NAV1: variants seen among roughly 807,000 people sequenced by gnomAD.
NAV1 encodes the protein pore membrane and/or filament interacting like protein 3.
In NAV1, 18 loss-of-function variants were observed where a neutral mutation model predicts 175.2. The observed-to-expected ratio is 0.10, with a 90% confidence interval of 0.07 to 0.15. The LOEUF is 0.15. Ranked by LOEUF, NAV1 falls within the 10% of genes least tolerant of loss-of-function variation. The probability of loss-of-function intolerance (pLI) is 1.00; values close to 1 mark genes in which losing one functional copy is unlikely to be tolerated. For synonymous variants in NAV1, 897 were observed against 978.7 expected (o/e 0.92, Z 1.56); for missense variants, 1,731 against 2,436.6 (o/e 0.71, Z 6.10).
chr1:201,575,758 A>G (rs577698408), intron 1 of NAV1, among the ~76,000 whole-genome samples: 2 of 152,188 alleles, frequency 1.3e-5, no homozygotes, highest in Non-Finnish European at 2.9e-5. Flanking sequence ...TCTCGAGTTT[A>G]TTATGAAGGA....
intron 3 of NAV1, among the ~76,000 whole-genome samples, chr1:201,749,053 C>G (rs540736269): frequency 8.5e-5 from 13 of 152,202 alleles, no homozygotes; most frequent in African/African-American, 3.1e-4. Flanking sequence ...GAGGCTGAGG[C>G]AGGAGAATTG....
At chr1:201,806,429 A>G (rs1007978718) in intron 17 of NAV1, among the ~76,000 whole-genome samples, 7 of 152,194 alleles carry the variant, frequency 4.6e-5, no homozygotes, top group African/African-American at 1.7e-4. Flanking sequence ...ACATCTCGGA[A>G]CAGTTCTGGC....
Position 201,812,357 on chromosome 1 carries a change from T to G in NAV1, c.5025-108T>G, listed in dbSNP as rs1454149534. ...CACTATTACTTGAAAAGAAACCAAG[T>G]AGGCATTAGTGAGAAGCAGGCAGAA... On this transcript the variant is annotated intron_variant, in intron 26 of 29. Coordinates refer to ENST00000367296, the Ensembl canonical transcript of NAV1. The surrounding 1 kb of genome is among the most constrained non-coding windows in gnomAD (Gnocchi z 4.6). 7.3e-6 allele frequency: 8 copies of G among 1,088,444 alleles called. No homozygotes were observed. The highest frequency in any genetic ancestry group is 9.4e-6 in the Non-Finnish European group (7 of 741,182). The allele number at this position is 1,088,444 out of a possible 1,614,324, so 67.4% of individuals were successfully genotyped here. A position where few individuals can be genotyped will look rare whatever the true frequency, so the allele number is the denominator to read the frequency against.
intron 2 of NAV1, among the ~76,000 whole-genome samples, chr1:201,614,978 G>C (rs1667962147): frequency 6.6e-6 from 1 of 152,210 alleles, no homozygotes; most frequent in Non-Finnish European, 1.5e-5. Flanking sequence ...AAAAGTGTTT[G>C]ATTTAAAAAT....
intron 3 of NAV1, among the ~76,000 whole-genome samples, chr1:201,736,102 C>T (rs765957719): frequency 1.3e-5 from 2 of 152,230 alleles, no homozygotes; most frequent in Non-Finnish European, 2.9e-5. Flanking sequence ...CACCCACAGG[C>T]CCAGAGGGAC....
At chr1:201,626,119 G>A (rs745851357) in intron 1 of NAV1, among the ~76,000 whole-genome samples, 19 of 152,200 alleles carry the variant, frequency 1.2e-4, no homozygotes, top group Non-Finnish European at 2.4e-4. Flanking sequence ...GATGCTGCAC[G>A]CCAATGGGCA....
intron 1 of NAV1, among the ~76,000 whole-genome samples, chr1:201,650,829 C>A (rs574906074): frequency 2.0e-5 from 3 of 152,224 alleles, no homozygotes; most frequent in East Asian, 3.9e-4. Flanking sequence ...AGAAGAGCAG[C>A]CTTTTCCCCT....
intron 1 of NAV1, among the ~76,000 whole-genome samples, chr1:201,658,555 AGGT>A: frequency 6.6e-6 from 1 of 152,230 alleles, no homozygotes; most frequent in African/African-American, 2.4e-5. Flanking sequence ...GAGATGGAAA[AGGT>A]GGTGAAAGAG....
intron 3 of NAV1, among the ~76,000 whole-genome samples, chr1:201,779,174 T>C (rs927450535): frequency 6.6e-6 from 1 of 152,108 alleles, no homozygotes; most frequent in Non-Finnish European, 1.5e-5. Context: ...TAGAAAACAA[T>C]GCATGTGATC....
chr1:201,539,151 G>C lies in NAV1; in HGVS notation c.-335G>C, dbSNP rs1456494275. Among the ~76,000 whole-genome samples, 1 of 152,210 alleles carries C rather than the reference G, an allele frequency of 6.6e-6. No homozygotes were observed. The highest frequency in any genetic ancestry group is 1.5e-5 in the Non-Finnish European group (1 of 68,024). Reference sequence around the variant, plus strand: ...CATTGTGGGGCCGGGGCCGGCGGCTGCCCTAGTGCGGGGCCCGAGGCTGGA... The same window carrying C: ...CATTGTGGGGCCGGGGCCGGCGGCTCCCCTAGTGCGGGGCCCGAGGCTGGA... On this transcript the variant is annotated 5_prime_UTR_variant, in exon 1 of 34. Transcript: ENST00000685211. This position sits in a 1 kb window ranked among gnomAD's most constrained non-coding sequence, Gnocchi z 5.6.
chr1:201,766,136 C>G (rs183213223), intron 3 of NAV1, among the ~76,000 whole-genome samples: 11 of 152,234 alleles, frequency 7.2e-5, no homozygotes, highest in African/African-American at 2.4e-4. Context: ...CTTTAAAGTC[C>G]TTTCTTCTTG....
intron 1 of NAV1, among the ~76,000 whole-genome samples, chr1:201,697,165 C>T (rs1282717082): frequency 6.6e-6 from 1 of 152,110 alleles, no homozygotes; most frequent in Non-Finnish European, 1.5e-5. Flanking sequence ...TAGTCTAAGC[C>T]GAGTCCTTTT....
intron 3 of NAV1, among the ~76,000 whole-genome samples, chr1:201,767,023 T>A (rs1351184614): frequency 6.6e-6 from 1 of 151,620 alleles, no homozygotes. Context: ...GGTTTCACGA[T>A]GTTGGCCAGG....
At chr1:201,566,542 G>C (rs924111608) in intron 1 of NAV1, among the ~76,000 whole-genome samples, 9 of 152,254 alleles carry the variant, frequency 5.9e-5, no homozygotes, top group African/African-American at 2.2e-4. Flanking sequence ...TCGAGTTCTA[G>C]GGCTGTATCA....
chr1:201,626,779 G>C (rs929042476), intron 1 of NAV1, among the ~76,000 whole-genome samples: 2 of 152,352 alleles, frequency 1.3e-5, no homozygotes, highest in South Asian at 2.1e-4. Flanking sequence ...GGTATCAGGA[G>C]CGTAGGGTTA....
At chr1:201,650,511 C>G (rs1376264355) in intron 1 of NAV1, among the ~76,000 whole-genome samples, 1 of 152,158 alleles carries the variant, frequency 6.6e-6, no homozygotes, top group East Asian at 1.9e-4. Flanking sequence ...CCTGGGTACC[C>G]GGCAGGCTGC....
intron 3 of NAV1, among the ~76,000 whole-genome samples, chr1:201,760,295 C>A (rs182119808): frequency 6.6e-6 from 1 of 152,118 alleles, no homozygotes; most frequent in South Asian, 2.1e-4. Context: ...GGTGAAACCC[C>A]GTCTCTACCA....
chr1:201,813,141 C>T lies in NAV1; in HGVS notation c.5223C>T (p.Gly1741=). The stretch of plus-strand genomic sequence containing the variant: ...TCATGGCCCCATCCTCTTCCCTAGG[C>T]CCTTGCTTCTTTCTGTCGTGTCCCA... The change falls in exon 28 of 30, where the codon GGC becomes GGT. Residue 1741 remains glycine, a splice_region_variant and synonymous_variant. Coordinates refer to ENST00000367296, the Ensembl canonical transcript of NAV1. This position sits in a 1 kb window ranked among gnomAD's most constrained non-coding sequence, Gnocchi z 4.2. 2 of 1,611,842 alleles carry T rather than the reference C, an allele frequency of 1.2e-6. No individual in the cohort carries two copies. Among genetic ancestry groups the T allele is most frequent in the Non-Finnish European group, 1.7e-6 (2 of 1,178,038 alleles).
In NAV1 at chr1:201,782,334, A is replaced by C; in HGVS notation, c.1822A>C (p.Lys608Gln). Residue 608 changes from lysine to glutamine, a missense_variant, in exon 6 of 30, where the codon AAG (lysine) becomes CAG (glutamine). Transcript: ENST00000367296. This position sits in a 1 kb window ranked among gnomAD's most constrained non-coding sequence, Gnocchi z 5.4. ...CTCCACTTCGGGATCCTTTGGCTAC[A>C]AGAAGCCTCCTCCTGCCACAGGCAC... 2.5e-6 allele frequency: 4 copies of C among 1,614,148 alleles called. No homozygotes were observed. Among genetic ancestry groups the C allele is most frequent in the Non-Finnish European group, 2.5e-6 (3 of 1,180,014 alleles).
Sources: gnomAD v4.1 joint callset for allele counts (sites outside exome capture counted in the v4.1 genomes callset) on GRCh38, gnomAD v4.1.1 for gene constraint, Gnocchi (gnomAD v3.1) non-coding constraint, MANE v1.5 for transcripts, NCBI Gene and HGNC (gene_info 2026-07-23, HGNC 2026-07-21) for gene names.